RAB27A: variants seen among roughly 807,000 people sequenced by gnomAD.
The protein encoded by RAB27A is ras-related protein Rab-27A.
A neutral mutation model predicts 20.8 loss-of-function variants in RAB27A; 17 were observed. The observed-to-expected ratio is 0.82, with a 90% CI of 0.56 to 1.23. The LOEUF (loss-of-function observed/expected upper bound fraction) is 1.23, where lower values mean the gene tolerates loss of function less well. RAB27A is among the 50% of genes most tolerant of loss of function. RAB27A has a pLI of 0.00. For missense variants in RAB27A, 277 were observed against 266.7 expected (o/e 1.04, Z -0.27); for synonymous variants, 85 against 92.8 (o/e 0.92, Z 0.48).
chr15:55,292,427 C>T (rs2054926953), upstream of RAB27A, among the ~76,000 whole-genome samples: 1 of 152,134 alleles, frequency 6.6e-6, no homozygotes, highest in Non-Finnish European at 1.5e-5. Flanking sequence ...TCTGAGAGGT[C>T]AATTAGCACG....
chr15:55,245,088 G>C (rs1896637186), intron 2 of RAB27A, among the ~76,000 whole-genome samples: 1 of 152,088 alleles, frequency 6.6e-6, no homozygotes, highest in African/African-American at 2.4e-5. Flanking sequence ...TATATGAGTA[G>C]GGACACTTGT....
At chr15:55,235,155 A>T (rs1224888132) in intron 2 of RAB27A, among the ~76,000 whole-genome samples, 199 bp from the exon 3 acceptor site, 1 of 152,202 alleles carries the variant, frequency 6.6e-6, no homozygotes, top group Admixed American at 6.5e-5. Context: ...CTATTGAAAT[A>T]GTAATTAACA....
At chr15:55,308,520 A>T (rs908999006) in intron 2 of RAB27A, among the ~76,000 whole-genome samples, 15 of 152,208 alleles carry the variant, frequency 9.9e-5, no homozygotes, top group Non-Finnish European at 7.3e-5. Context: ...CTGCTTTTTG[A>T]AGTCCTTTTT....
intron 1 of RAB27A, chr15:55,288,737 A>G (rs1898226128): frequency 6.6e-6 from 1 of 152,070 alleles, no homozygotes; most frequent in Non-Finnish European, 1.5e-5. Context: ...CTTCAGCATT[A>G]TATTAACCTT....
At chr15:55,238,027 C>A (rs760410993) in intron 2 of RAB27A, 17 of 152,114 alleles carry the variant, frequency 1.1e-4, no homozygotes, top group Non-Finnish European at 2.1e-4. Context: ...TTCACAATAG[C>A]AATACTGACC....
At chr15:55,274,083 A>G (rs1026801887) in intron 1 of RAB27A, among the ~76,000 whole-genome samples, 1 of 152,240 alleles carries the variant, frequency 6.6e-6, no homozygotes, top group Admixed American at 6.5e-5. Context: ...CTAGAAATCA[A>G]TAACAGGAAG....
At chr15:55,281,012 G>A (rs899425517) in intron 1 of RAB27A, among the ~76,000 whole-genome samples, 46 of 152,158 alleles carry the variant, frequency 3.0e-4, no homozygotes, top group African/African-American at 1.1e-3. Context: ...TAATCCTTTG[G>A]GCATATACCC....
chr15:55,269,281 C>A (rs1056162311), intron 2 of RAB27A, among the ~76,000 whole-genome samples: 1 of 152,184 alleles, frequency 6.6e-6, no homozygotes, highest in African/African-American at 2.4e-5. Context: ...CCACTCAGAT[C>A]TTTCACTCCG....
intron 2 of RAB27A, among the ~76,000 whole-genome samples, chr15:55,301,756 C>T (rs1460699026): frequency 6.6e-6 from 1 of 151,490 alleles, no homozygotes; most frequent in Non-Finnish European, 1.5e-5. Context: ...AGCAATTCTC[C>T]TCCCTCAACG....
intron 2 of RAB27A, among the ~76,000 whole-genome samples, chr15:55,242,680 T>C (rs1896538815): frequency 6.6e-6 from 1 of 152,170 alleles, no homozygotes; most frequent in South Asian, 2.1e-4. Context: ...AGTACAATGA[T>C]TTTGGGGCGC....
chr15:55,222,792 C>G (rs1421579665), intron 6 of RAB27A, among the ~76,000 whole-genome samples: 1 of 152,228 alleles, frequency 6.6e-6, no homozygotes, highest in Non-Finnish European at 1.5e-5. Context: ...TCTACACCAT[C>G]TCTATTTCCC....
At chr15:55,273,400 C>T (rs887065250) in intron 1 of RAB27A, among the ~76,000 whole-genome samples, 1 of 146,084 alleles carries the variant, frequency 6.8e-6, no homozygotes, top group African/African-American at 2.6e-5. Flanking sequence ...CAGAGCGAGA[C>T]TCCATCTCAA....
At chr15:55,294,528 C>T (rs1377992030), upstream of RAB27A, among the ~76,000 whole-genome samples, 1 of 132,786 alleles carries the variant, frequency 7.5e-6, no homozygotes, top group Non-Finnish European at 1.5e-5. Flanking sequence ...GCGGAGGTTG[C>T]AGTGAGCCAA....
At chr15:55,221,575 G>T (rs74807381) in intron 6 of RAB27A, among the ~76,000 whole-genome samples, 1 of 151,956 alleles carries the variant, frequency 6.6e-6, no homozygotes, top group Admixed American at 6.6e-5. Context: ...AGATCACGTG[G>T]GGAGATTTTA....
intron 2 of RAB27A, among the ~76,000 whole-genome samples, chr15:55,311,457 A>C (rs1020173283): frequency 6.6e-6 from 1 of 151,370 alleles, no homozygotes; most frequent in Non-Finnish European, 1.5e-5. Flanking sequence ...CCTTTTGGAC[A>C]GTTTGGGTTG....
rs535818305 is a variant in RAB27A, at chr15:55,254,150, C to T, written c.-23+16015G>A. On this transcript the variant is annotated intron_variant, in intron 2 of 6. Transcript: ENST00000336787. ...CCACATTTTAAAGTATAAAGTTAGA[C>T]TTTATATACCAACAAATTTGGCTGC... Among the ~76,000 whole-genome samples, 5 of 152,268 alleles carry T rather than the reference C, an allele frequency of 3.3e-5. No homozygotes were observed. In the South Asian group the frequency reaches 1.0e-3, roughly 32 times the overall value.
chr15:55,258,293 T>C (rs1233155149), intron 2 of RAB27A, among the ~76,000 whole-genome samples: 1 of 152,182 alleles, frequency 6.6e-6, no homozygotes, highest in Non-Finnish European at 1.5e-5. Context: ...TTGGTCTCAC[T>C]TAACACTGCT....
At position 55,223,986 on chromosome 15, in the gene RAB27A, C is replaced by T. The variant is rs755454272; in HGVS notation, c.370G>A (p.Glu124Lys). ...CCACACAGCACTATATCTGGGTTTT[C>T]ACAATATGCATGCATCTGTAGCTGG... is the stretch of plus-strand genomic sequence containing the variant. The part of the protein sequence containing the change: ...ISQLQMHAYC[E>K]NPDIVLCGNK... The change falls in exon 6 of 7, where the codon GAA becomes AAA. Residue 124 changes from glutamate to lysine, a missense_variant. Physicochemically the swap from Glu to Lys is moderately conservative, Grantham distance 56 (BLOSUM62 1). Coordinates refer to ENST00000336787, the MANE Select transcript of RAB27A (RefSeq NM_183235.3). 23 of 1,595,644 alleles carry T rather than the reference C, an allele frequency of 1.4e-5. No homozygotes were observed. Among genetic ancestry groups the T allele is most frequent in the Non-Finnish European group, 1.9e-5 (22 of 1,163,282 alleles).
chr15:55,204,434 C>T lies in RAB27A; in HGVS notation c.*1073G>A, dbSNP rs1284436462. 2.6e-5 allele frequency: 4 copies of T among 152,170 alleles called. No individual in the cohort carries two copies. Among genetic ancestry groups the T allele is most frequent in the African/African-American group, 7.2e-5 (3 of 41,430 alleles). 9.4% of individuals were successfully genotyped at this position (152,170 alleles called of 1,614,324 possible). ...ACAAATGTGACTGCTTCAATATGAA[C>T]ATCTATCTTCCACCAAATAGCAAAC... On this transcript the variant is annotated 3_prime_UTR_variant, in exon 7 of 7. Coordinates refer to ENST00000336787, the MANE Select transcript of RAB27A (RefSeq NM_183235.3).
Sources: gnomAD v4.1 joint callset for allele counts (sites outside exome capture counted in the v4.1 genomes callset) on GRCh38, gnomAD v4.1.1 for gene constraint, MANE v1.5 for transcripts, NCBI Gene and HGNC (gene_info 2026-07-23, HGNC 2026-07-21) for gene names.